The following PARD3 variants were observed in gnomAD, a reference collection of about 807,000 sequenced individuals.
PARD3 encodes the protein par-3 family cell polarity regulator, also known as partitioning defective 3 homolog.
In PARD3, 75 loss-of-function variants were observed where a neutral mutation model predicts 155.4. That is an observed-to-expected ratio of 0.48 (90% confidence interval 0.40 to 0.58). PARD3 has a LOEUF of 0.58. Among genes scored for constraint, PARD3 ranks in the 20% least tolerant of loss-of-function variants. The pLI, the probability that PARD3 is intolerant of heterozygous loss-of-function variation, is 0.00. For synonymous variants in PARD3, 576 were observed against 610.5 expected (o/e 0.94, Z 0.83); for missense variants, 1,642 against 1,721.7 (o/e 0.95, Z 0.82).
At chr10:34,637,348 A>T (rs928879680) in intron 2 of PARD3, among the ~76,000 whole-genome samples, 3 of 152,050 alleles carry the variant, frequency 2.0e-5, no homozygotes, top group Non-Finnish European at 4.4e-5. Flanking sequence ...AAGAAAAAAG[A>T]CTCCTTATCA....
At position 34,678,059 on chromosome 10, in the gene PARD3, TATTTATTTATTTATTTA is replaced by T. The variant is rs546985105; in HGVS notation, c.222+18242_222+18258del. 9.9e-5 allele frequency among the ~76,000 whole-genome samples: 15 copies of T among 151,538 alleles called. No homozygotes were observed. In the South Asian group the frequency reaches 2.5e-3, roughly 25 times the overall value. ...CTTTTTAAAAAATGTTTTTTTAATT[TATTTATTTATTTATTTA>T]ATTTATTTATTTATTGAGACAGGGT... On this transcript the variant is annotated intron_variant, in intron 2 of 24. Coordinates refer to ENST00000374788, the MANE Select transcript of PARD3 (RefSeq NM_001184785.2).
At chr10:34,672,112 G>A (rs2133253529) in intron 2 of PARD3, among the ~76,000 whole-genome samples, 1 of 152,174 alleles carries the variant, frequency 6.6e-6, no homozygotes, top group Non-Finnish European at 1.5e-5. Context: ...AGGCTGCAGT[G>A]AGCCATGATG....
At chr10:34,604,081 A>G (rs2090019131) in intron 2 of PARD3, among the ~76,000 whole-genome samples, 1 of 152,230 alleles carries the variant, frequency 6.6e-6, no homozygotes, top group Admixed American at 6.5e-5. Context: ...AACAGGGACC[A>G]AAAGCAAGGG....
chr10:34,380,756 A>T (rs976956750), intron 9 of PARD3, among the ~76,000 whole-genome samples: 7 of 152,210 alleles, frequency 4.6e-5, no homozygotes, highest in Admixed American at 2.6e-4. Context: ...AACTAAATGA[A>T]TATTGCTGTA....
chr10:34,677,257 G>A (rs2093725805), intron 2 of PARD3, among the ~76,000 whole-genome samples: 1 of 152,182 alleles, frequency 6.6e-6, no homozygotes, highest in Admixed American at 6.5e-5. Context: ...GAGGCAGGAG[G>A]ACTGCTTGAG....
intron 1 of PARD3, among the ~76,000 whole-genome samples, chr10:34,810,474 G>A (rs1022238152): frequency 6.6e-6 from 1 of 152,026 alleles, no homozygotes; most frequent in African/African-American, 2.4e-5. Context: ...ATGTGCTTGG[G>A]GACAGAAGCC....
In PARD3 at chr10:34,424,741, C is replaced by G. The variant is rs1011537020; in HGVS notation, c.715-22824G>C. On this transcript the variant is annotated intron_variant, in intron 5 of 24. Transcript: ENST00000374788. ...TGTTGCCCAGGCTGGTCTCAAACTC[C>G]TGACCTCAGGTGATCCACCCACCTC... is the stretch of plus-strand genomic sequence containing the variant. Among the ~76,000 whole-genome samples, 14 of 152,232 alleles carry G rather than the reference C, an allele frequency of 9.2e-5. No individual in the cohort carries two copies. The East Asian group carries it at 2.7e-3, about 29-fold the overall frequency.
Position 34,430,966 on chromosome 10 carries a change from T to C in PARD3, c.714+19351A>G, listed in dbSNP as rs549921455. Among the ~76,000 whole-genome samples, 184 of 152,344 alleles carry C rather than the reference T, an allele frequency of 1.2e-3. 2 individuals are homozygous for C. The highest frequency in any genetic ancestry group is 4.1e-3 in the African/African-American group (170 of 41,582). The stretch of plus-strand genomic sequence containing the variant: ...ATGTAGGTCATGTGATAAAAACTGA[T>C]TGGCGTTTTCTAGACAGATCATTAA... On this transcript the variant is annotated intron_variant, in intron 5 of 24. Coordinates refer to ENST00000374788, the MANE Select transcript of PARD3 (RefSeq NM_001184785.2).
At chr10:34,674,478 ATTTTTTTTTTTTT>A (rs11402018) in intron 2 of PARD3, among the ~76,000 whole-genome samples, 2 of 79,528 alleles carry the variant, frequency 2.5e-5, no homozygotes, top group African/African-American at 1.0e-4. Context: ...CACGCTCTTG[ATTTTTTTTTTTTT>A]TTTTTTTTTT....
At chr10:34,676,012 A>G (rs537792832) in intron 2 of PARD3, 1 of 152,792 alleles carries the variant, frequency 6.5e-6, no homozygotes, top group East Asian at 1.9e-4. Flanking sequence ...CAACCATCAC[A>G]CCGCCAGCAG....
At chr10:34,493,795 A>G (rs975549045) in intron 3 of PARD3, among the ~76,000 whole-genome samples, 2 of 152,158 alleles carry the variant, frequency 1.3e-5, no homozygotes, top group African/African-American at 4.8e-5. Context: ...AAACTATATT[A>G]AAACAAAGAT....
At chr10:34,362,686 G>A (rs1839565867) in intron 12 of PARD3, among the ~76,000 whole-genome samples, 1 of 152,062 alleles carries the variant, frequency 6.6e-6, no homozygotes, top group Admixed American at 6.5e-5. Context: ...TTAGAGATGG[G>A]GTTTCACCAT....
chr10:34,202,832 G>T lies in PARD3; in HGVS notation c.3419+66825C>A, dbSNP rs547915877. Among the ~76,000 whole-genome samples the T allele has an allele frequency of 2.6e-5, 4 of 152,252 alleles. No individual in the cohort carries two copies. In the East Asian group the frequency reaches 7.7e-4, roughly 29 times the overall value. ...TGGCAATACTTGAGGCACAATACAT[G>T]AATCTATTTCCCTTACTGTGACACA... On this transcript the variant is annotated intron_variant, in intron 22 of 24. Coordinates refer to ENST00000374788, the MANE Select transcript of PARD3 (RefSeq NM_001184785.2).
At chr10:34,690,116 G>T (rs1193809489) in intron 2 of PARD3, among the ~76,000 whole-genome samples, 1 of 152,028 alleles carries the variant, frequency 6.6e-6, no homozygotes, top group Non-Finnish European at 1.5e-5. Context: ...GCTAATTTTT[G>T]TATTTTTAGT....
chr10:34,546,333 T>C (rs7907971), intron 2 of PARD3, among the ~76,000 whole-genome samples: 3,367 of 151,964 alleles, frequency 0.022, 132 homozygotes, highest in African/African-American at 0.077. Flanking sequence ...CTGTCCAACA[T>C]AGTGAAACCC....
At chr10:34,456,376 A>C (rs917157528) in intron 4 of PARD3, among the ~76,000 whole-genome samples, 12 of 152,062 alleles carry the variant, frequency 7.9e-5, no homozygotes, top group Non-Finnish European at 1.6e-4. Context: ...GGCTCACCAC[A>C]ACCTCCGTCT....
intron 23 of PARD3, among the ~76,000 whole-genome samples, chr10:34,129,700 CTTT>C (rs1209547388): frequency 7.2e-5 from 6 of 82,966 alleles, no homozygotes; most frequent in African/African-American, 1.4e-4. Context: ...TGTCAAGCCT[CTTT>C]TTTTTTTTTT....
At chr10:34,649,704 A>G (rs1264145039) in intron 2 of PARD3, among the ~76,000 whole-genome samples, 2 of 152,238 alleles carry the variant, frequency 1.3e-5, no homozygotes, top group Non-Finnish European at 2.9e-5. Context: ...TACATTTTCT[A>G]AAGATTCTTT....
intron 14 of PARD3, among the ~76,000 whole-genome samples, chr10:34,351,794 A>G (rs1337534035): frequency 6.6e-6 from 1 of 152,248 alleles, no homozygotes; most frequent in African/African-American, 2.4e-5. Context: ...AGATCCACTC[A>G]CTTGTGTAAG....
Sources: gnomAD v4.1 joint callset for allele counts (sites outside exome capture counted in the v4.1 genomes callset) on GRCh38, gnomAD v4.1.1 for gene constraint, MANE v1.5 for transcripts, NCBI Gene and HGNC (gene_info 2026-07-23, HGNC 2026-07-21) for gene names.